The following MSH3 variants were observed in gnomAD, a reference collection of about 807,000 sequenced individuals.
MSH3 encodes the protein mutS homolog 3, also known as DNA mismatch repair protein Msh3.
MSH3 carries 106 observed loss-of-function variants against 123.3 expected under a neutral mutation model. The ratio of observed to expected loss-of-function variants is 0.86; its 90% CI spans 0.73 to 1.01. The LOEUF (loss-of-function observed/expected upper bound fraction) is 1.01, where lower values mean the gene tolerates loss of function less well. MSH3 is among the 50% of genes least tolerant of loss of function. The probability of loss-of-function intolerance (pLI) is 0.00; values close to 1 mark genes in which losing one functional copy is unlikely to be tolerated. For synonymous variants in MSH3, 515 were observed against 481.4 expected, an observed-to-expected ratio of 1.07 and a Z score of -0.91; for missense variants, 1,459 against 1,347.6, an observed-to-expected ratio of 1.08 and a Z score of -1.29.
intron 8 of MSH3, among the ~76,000 whole-genome samples, chr5:80,711,842 C>CA (rs1382134983): frequency 4.6e-5 from 7 of 151,890 alleles, no homozygotes; most frequent in Admixed American, 3.3e-4. Context: ...TTAGTAGAGA[C>CA]AGGGTTTCAC....
Position 80,691,935 on chromosome 5 carries a change from A to G in MSH3, c.1340+12842A>G, listed in dbSNP as rs865780783. Among the ~76,000 whole-genome samples the G allele has an allele frequency of 3.5e-3, 312 of 89,266 alleles. 12 individuals carry two copies. Among genetic ancestry groups the G allele is most frequent in the African/African-American group, 4.8e-3 (91 of 19,026 alleles). The allele number at this position is 89,266 out of a possible 152,430, so 58.6% of individuals were successfully genotyped here. ...CATGTATATGTTTATATAGATAAAC[A>G]TGTATATGTTTATATAGATAAACAT... On this transcript the variant is annotated intron_variant, in intron 8 of 23. Coordinates refer to ENST00000265081, the MANE Select transcript of MSH3 (RefSeq NM_002439.5).
At position 80,668,485 on chromosome 5, in the gene MSH3, T is replaced by C. The variant is rs894524713; in HGVS notation, c.580-1612T>C. Reference sequence around the variant, plus strand: ...AGCCCTCTCCTTGGCCTCCTTCCCATGTTCATCAGTGTCCAAAGTCCAGAG... The same window carrying C: ...AGCCCTCTCCTTGGCCTCCTTCCCACGTTCATCAGTGTCCAAAGTCCAGAG... On this transcript the variant is annotated intron_variant, in intron 3 of 23. Transcript: ENST00000265081. Among the ~76,000 whole-genome samples, 10 of 152,196 alleles carry C rather than the reference T, an allele frequency of 6.6e-5. 1 individual carries two copies. Among genetic ancestry groups the C allele is most frequent in the South Asian group, 6.2e-4 (3 of 4,826 alleles).
intron 12 of MSH3, among the ~76,000 whole-genome samples, chr5:80,750,465 C>T (rs185607201): frequency 2.0e-5 from 3 of 152,164 alleles, no homozygotes; most frequent in South Asian, 2.1e-4. Flanking sequence ...TTTTAATTTG[C>T]GTTTCTCTGA....
chr5:80,778,890 G>A (rs1205438983), intron 17 of MSH3, 54 bp downstream of exon 17: 2 of 1,023,176 alleles, frequency 2.0e-6, no homozygotes, highest in Admixed American at 1.7e-5. Flanking sequence ...GAAACAGACT[G>A]GAAAAATCTT....
intron 22 of MSH3, among the ~76,000 whole-genome samples, chr5:80,869,945 G>A (rs1237151666): frequency 6.6e-6 from 1 of 150,952 alleles, no homozygotes; most frequent in East Asian, 1.9e-4. Context: ...AGGCCAAAGT[G>A]GGCAGATCAC....
chr5:80,728,780 G>T (rs893224244), intron 9 of MSH3, 71 bp from the exon 10 acceptor site: 1 of 839,804 alleles, frequency 1.2e-6, no homozygotes, highest in Non-Finnish European at 2.0e-6. Context: ...TAATGGTTCT[G>T]TTTATTACAT....
intron 23 of MSH3, among the ~76,000 whole-genome samples, chr5:80,875,501 C>G (rs905661842): frequency 1.3e-5 from 2 of 152,122 alleles, no homozygotes; most frequent in African/African-American, 4.8e-5. Context: ...GTTCTCCCCT[C>G]TGGGGCTGGC....
chr5:80,778,669 G>A (rs755012408), intron 16 of MSH3, 51 bp from the exon 17 acceptor site: 25 of 1,059,064 alleles, frequency 2.4e-5, no homozygotes, highest in Middle Eastern at 4.0e-4. Flanking sequence ...ATGGCATTTC[G>A]GATTTTTTAC....
At chr5:80,685,632 ATTTTC>A (rs1189212457) in intron 8 of MSH3, among the ~76,000 whole-genome samples, 1 of 149,468 alleles carries the variant, frequency 6.7e-6, no homozygotes, top group Non-Finnish European at 1.5e-5. Flanking sequence ...GATCTTTTGT[ATTTTC>A]TTTGTTTCAG....
chr5:80,861,181 C>T (rs555122551), intron 21 of MSH3, among the ~76,000 whole-genome samples: 1 of 152,112 alleles, frequency 6.6e-6, no homozygotes, highest in Admixed American at 6.5e-5. Flanking sequence ...CTTGCTCTGT[C>T]TCTTCATATT....
At chr5:80,709,554 G>A (rs1012427989) in intron 8 of MSH3, among the ~76,000 whole-genome samples, 9 of 152,076 alleles carry the variant, frequency 5.9e-5, no homozygotes, top group Non-Finnish European at 1.0e-4. Flanking sequence ...CCCGGGAGGC[G>A]GAGCTTGCAG....
chr5:80,744,308 A>G (rs897786006), intron 11 of MSH3, among the ~76,000 whole-genome samples, 198 bp from the exon 12 acceptor site: 15 of 152,238 alleles, frequency 9.9e-5, no homozygotes, highest in African/African-American at 3.4e-4. Flanking sequence ...ACCAAAAACT[A>G]TAAACGATCC....
At chr5:80,811,635 A>G (rs574633576) in intron 19 of MSH3, among the ~76,000 whole-genome samples, 2 of 152,214 alleles carry the variant, frequency 1.3e-5, no homozygotes, top group Admixed American at 1.3e-4. Flanking sequence ...TCTTTCTTAA[A>G]TGTTTGCAAG....
chr5:80,819,344 G>GTA (rs1301997173), intron 20 of MSH3, among the ~76,000 whole-genome samples: 2 of 132,208 alleles, frequency 1.5e-5, no homozygotes, highest in South Asian at 2.6e-4. Flanking sequence ...GTGTGTGTGT[G>GTA]TATATATATG....
At chr5:80,812,249 A>G (rs1292923306) in intron 19 of MSH3, among the ~76,000 whole-genome samples, 1 of 152,176 alleles carries the variant, frequency 6.6e-6, no homozygotes, top group African/African-American at 2.4e-5. Context: ...TTTATCCCCC[A>G]TTAGTAACAT....
At chr5:80,710,825 A>T (rs1004588737) in intron 8 of MSH3, among the ~76,000 whole-genome samples, 2 of 152,182 alleles carry the variant, frequency 1.3e-5, no homozygotes, top group African/African-American at 4.8e-5. Flanking sequence ...GAGCTGGACG[A>T]TGATGACAAC....
chr5:80,833,607 T>A (rs1161573012), intron 20 of MSH3, among the ~76,000 whole-genome samples: 1 of 152,156 alleles, frequency 6.6e-6, no homozygotes, highest in Non-Finnish European at 1.5e-5. Context: ...CACACCCAGC[T>A]AATTTTTGTA....
intron 3 of MSH3, among the ~76,000 whole-genome samples, chr5:80,668,146 C>G (rs1156864303): frequency 6.6e-6 from 1 of 152,144 alleles, no homozygotes; most frequent in Non-Finnish European, 1.5e-5. Context: ...GAGTGGGTAG[C>G]TCCTCTCCGC....
chr5:80,869,578 C>T (rs1238379361), intron 22 of MSH3, among the ~76,000 whole-genome samples: 1 of 151,866 alleles, frequency 6.6e-6, no homozygotes, highest in African/African-American at 2.4e-5. Flanking sequence ...GCGTTCTTTA[C>T]CTTGAAGATA....
Sources: gnomAD v4.1 joint callset for allele counts (sites outside exome capture counted in the v4.1 genomes callset) on GRCh38, gnomAD v4.1.1 for gene constraint, MANE v1.5 for transcripts, NCBI Gene and HGNC (gene_info 2026-07-23, HGNC 2026-07-21) for gene names.